The following HEATR5B variants were observed in gnomAD, a reference collection of about 807,000 sequenced individuals.
HEATR5B encodes the protein HEAT repeat-containing protein 5B.
A neutral mutation model predicts 224.1 loss-of-function variants in HEATR5B; 156 were observed. The observed-to-expected ratio is 0.70, with a 90% CI of 0.61 to 0.80. The LOEUF (loss-of-function observed/expected upper bound fraction) is 0.80. Among genes scored for constraint, HEATR5B ranks in the 30% least tolerant of loss-of-function variants. The pLI is 0.00. For missense variants in HEATR5B, 2,323 were observed against 2,535.5 expected, an observed-to-expected ratio of 0.92 and a Z score of 1.80; for synonymous variants, 1,027 against 893.0, an observed-to-expected ratio of 1.15 and a Z score of -2.68.
chr2:37,057,347 C>T lies in HEATR5B; in HGVS notation c.2193G>A (p.Gln731=). ...CTTCAATTGATTTATGATCAGTTTC[C>T]TGAAGCCAAGAACCAAGAAGAACAC... ...DDSVLLGSWL[Q]ETDHKSIEDQ... is the part of the protein sequence containing the mutation. Residue 731 remains glutamine (Q), a synonymous_variant, in exon 15 of 36, where the codon CAG becomes CAA. Transcript: ENST00000233099. 2 of 1,603,690 alleles carry T rather than the reference C, an allele frequency of 1.2e-6. No homozygotes were observed. The highest frequency in any genetic ancestry group is 2.3e-5 in the East Asian group (1 of 44,210).
intron 18 of HEATR5B, among the ~76,000 whole-genome samples, chr2:37,044,622 C>T (rs947011525): frequency 6.6e-6 from 1 of 152,090 alleles, no homozygotes; most frequent in Non-Finnish European, 1.5e-5. Context: ...TAGGTAAATA[C>T]CTAGAAGTGG....
chr2:37,061,801 G>A (rs978554731), intron 11 of HEATR5B, 138 bp downstream of exon 11: 4 of 547,758 alleles, frequency 7.3e-6, no homozygotes, highest in African/African-American at 3.9e-5. Context: ...AGCAAATGAC[G>A]AGGAAAACAT....
rs1454216750 is a variant in HEATR5B at position 37,076,940 on chromosome 2, T to A, written c.418A>T (p.Asn140Tyr). The change falls in exon 4 of 36, where the codon AAT becomes TAT. Residue 140 changes from asparagine (N) to tyrosine (Y), a missense_variant. Asn to Tyr is a moderately radical substitution (Grantham distance 143). Transcript: ENST00000233099. ...GCACTTTTCAGAGATTTCAATAGAT[T>A]ATTTACCGTTTCTGGAAATGCGCTG... ...LGSAFPETVN[N>Y]LLKSLKSAES... 1 of 1,613,996 alleles carries A rather than the reference T, an allele frequency of 6.2e-7. No homozygotes were observed. The highest frequency in any genetic ancestry group is 2.2e-5 in the East Asian group (1 of 44,868).
intron 21 of HEATR5B, among the ~76,000 whole-genome samples, chr2:37,034,831 T>C (rs886074042): frequency 9.2e-5 from 14 of 152,064 alleles, no homozygotes; most frequent in Non-Finnish European, 1.6e-4. Flanking sequence ...GCACTGGGAT[T>C]ACAGGTGTGA....
intron 35 of HEATR5B, among the ~76,000 whole-genome samples, chr2:36,985,919 T>C (rs1665922697): frequency 6.6e-6 from 1 of 152,220 alleles, no homozygotes; most frequent in Non-Finnish European, 1.5e-5. Flanking sequence ...TATTAAACTA[T>C]ATTTAATTAT....
intron 33 of HEATR5B, among the ~76,000 whole-genome samples, chr2:36,997,485 C>T (rs1422740497): frequency 3.3e-5 from 5 of 151,842 alleles, no homozygotes; most frequent in Non-Finnish European, 7.4e-5. Flanking sequence ...CACCACACCC[C>T]ATCTAATTTC....
At chr2:37,052,588 T>C (rs1271607099) in intron 17 of HEATR5B, among the ~76,000 whole-genome samples, 1 of 152,238 alleles carries the variant, frequency 6.6e-6, no homozygotes, top group East Asian at 1.9e-4. Flanking sequence ...TTGAGAACTT[T>C]CTCTTCTTCA....
chr2:36,995,219 A>G (rs539627984), intron 33 of HEATR5B, among the ~76,000 whole-genome samples: 45 of 150,076 alleles, frequency 3.0e-4, no homozygotes, highest in African/African-American at 1.1e-3. Flanking sequence ...CCTCCTGAGT[A>G]GCTGGGATTA....
chr2:36,986,789 G>T (rs6717174), intron 35 of HEATR5B, among the ~76,000 whole-genome samples: 46,141 of 151,766 alleles, frequency 0.3, 7,553 homozygotes, highest in African/African-American at 0.37. Flanking sequence ...GCTAATTTTT[G>T]TACTTTTAGT....
chr2:36,981,690 C>A lies in HEATR5B; in HGVS notation c.6016G>T (p.Ala2006Ser). The A allele has an allele frequency of 1.9e-6, 3 of 1,613,988 alleles. No homozygotes were observed. Among genetic ancestry groups the A allele is most frequent in the African/African-American group, 2.7e-5 (2 of 75,004 alleles). ...CCAATATGCATTAAATTCTGGAGTG[C>A]AAACTCATGAAGATCTTTGGAAGCT... ...SSASKDLHEF[A>S]LQNLMHIGPL... Residue 2006 changes from alanine to serine, a missense_variant, in exon 36 of 36, where the codon GCA becomes TCA. By Grantham distance (99) the Ala-to-Ser change is moderately conservative (BLOSUM62 1). Transcript: ENST00000233099.
intron 33 of HEATR5B, among the ~76,000 whole-genome samples, chr2:36,991,637 A>G (rs1335159691): frequency 6.6e-6 from 1 of 152,138 alleles, no homozygotes; most frequent in Non-Finnish European, 1.5e-5. Context: ...AACTAGAAAT[A>G]TGAACATTTA....
intron 18 of HEATR5B, among the ~76,000 whole-genome samples, chr2:37,042,048 G>A (rs568669634): frequency 2.0e-5 from 3 of 151,828 alleles, no homozygotes; most frequent in African/African-American, 4.8e-5. Context: ...TTTTCTTTGT[G>A]AAATATATTT....
chr2:37,062,933 G>A (rs1012193689), intron 10 of HEATR5B, among the ~76,000 whole-genome samples: 8 of 152,210 alleles, frequency 5.3e-5, no homozygotes, highest in Non-Finnish European at 1.2e-4. Flanking sequence ...GACTACAAGT[G>A]TATGCCAACA....
chr2:37,040,561 C>T (rs374327646), intron 19 of HEATR5B, 43 bp from the exon 20 acceptor site: 217 of 1,425,500 alleles, frequency 1.5e-4, no homozygotes, highest in Non-Finnish European at 1.8e-4. Context: ...AGGAAGAATT[C>T]GAATGTACTG....
At position 37,013,339 on chromosome 2, in the gene HEATR5B, T is replaced by C. The variant is rs189865929; in HGVS notation, c.4284+502A>G. ...AAAAATGAATTTAAAACAATGTAAT[T>C]ATATATTTTTTAAAGTGACTGTGAG... On this transcript the variant is annotated intron_variant, in intron 27 of 35. Transcript: ENST00000233099. Among the ~76,000 whole-genome samples, 3 of 145,144 alleles carry C rather than the reference T, an allele frequency of 2.1e-5. No individual in the cohort carries two copies. In the East Asian group the frequency reaches 8.3e-4, roughly 40 times the overall value.
At chr2:37,003,781 G>T (rs1156435742) in intron 30 of HEATR5B, 95 bp from the exon 31 acceptor site, 6 of 802,654 alleles carry the variant, frequency 7.5e-6, no homozygotes, top group Non-Finnish European at 1.1e-5. Context: ...TGTAAAAAAA[G>T]AAATCAGGTA....
At chr2:37,038,808 G>A (rs988320325) in intron 20 of HEATR5B, among the ~76,000 whole-genome samples, 1 of 148,752 alleles carries the variant, frequency 6.7e-6, no homozygotes, top group African/African-American at 2.5e-5. Flanking sequence ...GCTGAGGCAG[G>A]AGAATTGCTT....
At chr2:37,018,468 A>G (rs1025564128) in intron 26 of HEATR5B, among the ~76,000 whole-genome samples, 2 of 152,164 alleles carry the variant, frequency 1.3e-5, no homozygotes, top group Admixed American at 6.5e-5. Flanking sequence ...TCTTACCAAC[A>G]ACGTTTCTTT....
Position 37,057,319 on chromosome 2 carries a change from G to C in HEATR5B, c.2221C>G (p.Gln741Glu). The change falls in exon 15 of 36, where the codon CAG (glutamine) becomes GAG (glutamate). Residue 741 changes from glutamine to glutamate, a missense_variant and splice_region_variant. Gln to Glu is a conservative substitution (Grantham distance 29, BLOSUM62 2). Transcript: ENST00000233099. ...QETDHKSIED[Q>E]LQPNSASGSG... ...TCATTTTCCTCTATGTTTATTACCT[G>C]GTCTTCAATTGATTTATGATCAGTT... 6.3e-7 allele frequency: 1 copy of C among 1,596,272 alleles called. No individual in the cohort carries two copies. Among genetic ancestry groups the C allele is most frequent in the Non-Finnish European group, 8.5e-7 (1 of 1,172,576 alleles).
Sources: allele counts gnomAD v4.1 joint callset (sites outside exome capture counted in the v4.1 genomes callset), GRCh38; gene constraint gnomAD v4.1.1; transcripts MANE v1.5; gene names NCBI Gene and HGNC (gene_info 2026-07-23, HGNC 2026-07-21).